Variants in ADGRL2 observed in about 807,000 individuals in gnomAD.
ADGRL2 encodes calcium-independent alpha-latrotoxin receptor 2.
ADGRL2 carries 44 observed loss-of-function variants against 157.4 expected under a neutral mutation model. The observed-to-expected ratio is 0.28, with a 90% CI of 0.22 to 0.36. The LOEUF is 0.36. ADGRL2 is among the 10% of genes least tolerant of loss of function. The pLI is 1.00. For synonymous variants in ADGRL2, 585 were observed against 624.7 expected (o/e 0.94, Z 0.95); for missense variants, 1,510 against 1,768.9 (o/e 0.85, Z 2.63).
chr1:81,441,890 C>T (rs1222265025), intron 1 of ADGRL2, among the ~76,000 whole-genome samples: 4 of 152,062 alleles, frequency 2.6e-5, no homozygotes, highest in East Asian at 3.8e-4. Flanking sequence ...CCCAGGCTGG[C>T]GTGTGGTGGT....
rs117235524 is a variant in ADGRL2, at chr1:81,598,109, C to T, written c.-143+17129C>T. 5.5e-4 allele frequency among the ~76,000 whole-genome samples: 83 copies of T among 152,202 alleles called. 1 individual carries two copies. The East Asian group carries it at 0.015, about 28-fold the overall frequency. Reference sequence around the variant, plus strand: ...TGGTAAACTGAGCATATTCTCAGAGCCAGAAAAAAGTCCTCACTCCCAGAG... The same window carrying T: ...TGGTAAACTGAGCATATTCTCAGAGTCAGAAAAAAGTCCTCACTCCCAGAG... On this transcript the variant is annotated intron_variant, in intron 3 of 24. Coordinates refer to the ADGRL2 transcript ENST00000370721.
chr1:81,640,213 C>G (rs1024006572), intron 3 of ADGRL2, among the ~76,000 whole-genome samples: 3 of 152,070 alleles, frequency 2.0e-5, no homozygotes, highest in Admixed American at 6.6e-5. Flanking sequence ...AATGAGGAGG[C>G]CACCATTGCC....
At chr1:81,349,427 C>T (rs906345743) in intron 1 of ADGRL2, among the ~76,000 whole-genome samples, 8 of 152,050 alleles carry the variant, frequency 5.3e-5, no homozygotes, top group African/African-American at 1.9e-4. Context: ...GCCAGTAAAC[C>T]TTGGCACACA....
chr1:81,377,063 C>T (rs549048707), intron 1 of ADGRL2, among the ~76,000 whole-genome samples: 14 of 152,100 alleles, frequency 9.2e-5, no homozygotes, highest in East Asian at 1.9e-4. Context: ...CATGGTGGCA[C>T]GCACCTGTAT....
intron 1 of ADGRL2, among the ~76,000 whole-genome samples, chr1:81,717,988 G>A (rs373970513): frequency 6.6e-6 from 1 of 152,218 alleles, no homozygotes; most frequent in South Asian, 2.1e-4. Flanking sequence ...TAATTTTGTG[G>A]TTGGTTAATT....
chr1:81,529,463 G>A (rs1443827886), intron 2 of ADGRL2, among the ~76,000 whole-genome samples: 1 of 152,182 alleles, frequency 6.6e-6, no homozygotes, highest in Non-Finnish European at 1.5e-5. Context: ...TGTGTTATCT[G>A]TTGCCATGAA....
chr1:81,506,525 C>T (rs951123371), intron 2 of ADGRL2, among the ~76,000 whole-genome samples: 13 of 152,134 alleles, frequency 8.5e-5, no homozygotes, highest in African/African-American at 3.1e-4. Flanking sequence ...GCCTGGATGA[C>T]ATAAGGAGAC....
intron 1 of ADGRL2, among the ~76,000 whole-genome samples, chr1:81,356,974 G>C (rs370185567): frequency 1.7e-5 from 1 of 60,192 alleles, no homozygotes; most frequent in African/African-American, 4.9e-5. Context: ...AAAAAAAAAA[G>C]AAGTTGTTTC....
intron 3 of ADGRL2, among the ~76,000 whole-genome samples, chr1:81,615,747 A>G (rs1489293871): frequency 6.6e-6 from 1 of 152,246 alleles, no homozygotes; most frequent in African/African-American, 2.4e-5. Context: ...TCTGGAGACC[A>G]CAGAAAATCA....
chr1:81,707,428 G>A (rs2083773339), intron 1 of ADGRL2, among the ~76,000 whole-genome samples: 1 of 152,150 alleles, frequency 6.6e-6, no homozygotes, highest in South Asian at 2.1e-4. Flanking sequence ...CCTGCCCATA[G>A]GAAAAGGCCT....
At chr1:81,644,013 A>AT (rs1162212258) in intron 3 of ADGRL2, among the ~76,000 whole-genome samples, 2 of 152,206 alleles carry the variant, frequency 1.3e-5, no homozygotes, top group African/African-American at 4.8e-5. Context: ...ACACTGTGGT[A>AT]TTTGTGGAAG....
At chr1:81,875,765 G>C (rs898768090) in intron 2 of ADGRL2, among the ~76,000 whole-genome samples, 1 of 152,112 alleles carries the variant, frequency 6.6e-6, no homozygotes, top group South Asian at 2.1e-4. Context: ...CTTAGGTGCT[G>C]CTGTGAAATG....
intron 2 of ADGRL2, among the ~76,000 whole-genome samples, chr1:81,563,966 G>A (rs2080502600): frequency 6.6e-6 from 1 of 152,178 alleles, no homozygotes; most frequent in Non-Finnish European, 1.5e-5. Context: ...TTTAGTGTAG[G>A]TAGATTCTTT....
chr1:81,551,709 G>C (rs748736367), intron 2 of ADGRL2, among the ~76,000 whole-genome samples: 2 of 152,126 alleles, frequency 1.3e-5, no homozygotes, highest in African/African-American at 4.8e-5. Flanking sequence ...ATCTAGGTGT[G>C]AATGAACAGC....
chr1:81,428,217 T>C (rs937962915), intron 1 of ADGRL2, among the ~76,000 whole-genome samples: 217 of 152,304 alleles, frequency 1.4e-3, no homozygotes, highest in African/African-American at 5.1e-3. Context: ...GTGGACAGAA[T>C]AGATATTTGT....
chr1:81,623,254 C>T (rs1028381071), intron 3 of ADGRL2, among the ~76,000 whole-genome samples: 2 of 152,152 alleles, frequency 1.3e-5, no homozygotes, highest in Non-Finnish European at 2.9e-5. Flanking sequence ...ATGAAAGTTA[C>T]AAGACATTGA....
chr1:81,851,961 A>T (rs1457414727), intron 2 of ADGRL2, among the ~76,000 whole-genome samples: 1 of 151,940 alleles, frequency 6.6e-6, no homozygotes. Context: ...AAAGCATCTG[A>T]CTTAGAATGG....
At chr1:81,501,997 T>G in intron 2 of ADGRL2, 1 of 1,609,674 alleles carries the variant, frequency 6.2e-7, no homozygotes, top group Non-Finnish European at 8.5e-7. Flanking sequence ...TAGCCAGAGT[T>G]CCACCCACCG....
rs1477269302 is a variant in ADGRL2, at chr1:81,980,747, C to T, written c.3113+787C>T. ...AAGAGAGAGAGCTAATCTTTAGCAT[C>T]TCTCTCTTTTCTTCCTTTTCCTCTT... On this transcript the variant is annotated intron_variant, in intron 18 of 23. Transcript: ENST00000686636. 33 of 630,140 alleles carry T rather than the reference C, an allele frequency of 5.2e-5. No homozygotes were observed. The Admixed American group carries it at 6.6e-4, about 13-fold the overall frequency. 39.0% of individuals were successfully genotyped at this position (630,140 alleles called of 1,614,324 possible).
Sources: allele counts gnomAD v4.1 joint callset (sites outside exome capture counted in the v4.1 genomes callset), GRCh38; gene constraint gnomAD v4.1.1; transcripts MANE v1.5; gene names NCBI Gene and HGNC (gene_info 2026-07-23, HGNC 2026-07-21).